Variants in UPF2 observed in about 807,000 individuals in gnomAD.
The protein encoded by UPF2 is UPF2 regulator of nonsense mediated mRNA decay, also known as regulator of nonsense transcripts 2.
A neutral mutation model predicts 141.4 loss-of-function variants in UPF2; 17 were observed. The observed-to-expected ratio is 0.12, with a 90% CI of 0.08 to 0.18. The LOEUF (loss-of-function observed/expected upper bound fraction) is 0.18, where lower values mean the gene tolerates loss of function less well. UPF2 is among the 10% of genes least tolerant of loss of function. The pLI is 1.00. For synonymous variants in UPF2, 540 were observed against 498.0 expected, an observed-to-expected ratio of 1.08 and a Z score of -1.12; for missense variants, 1,152 against 1,515.9, an observed-to-expected ratio of 0.76 and a Z score of 3.99.
At chr10:11,967,191 T>C (rs1833335135) in intron 10 of UPF2, 150 bp downstream of exon 10, 1 of 461,072 alleles carries the variant, frequency 2.2e-6, no homozygotes, top group African/African-American at 2.0e-5. Context: ...ATTTGTTTTG[T>C]ATTTTGCACA....
At chr10:11,975,670 G>A (rs938616934) in intron 9 of UPF2, among the ~76,000 whole-genome samples, 3 of 151,512 alleles carry the variant, frequency 2.0e-5, no homozygotes, top group African/African-American at 4.8e-5. Flanking sequence ...CACCACGCCC[G>A]GCTAATTTTG....
intron 10 of UPF2, among the ~76,000 whole-genome samples, chr10:11,966,223 C>G (rs1171099559): frequency 6.6e-6 from 1 of 152,094 alleles, no homozygotes. Context: ...TCTGTATATA[C>G]TTACTTATTC....
In UPF2 at chr10:11,942,653, G is replaced by C. The variant is rs757167329; in HGVS notation, c.3378+12C>G. The C allele has an allele frequency of 6.2e-7, 1 of 1,610,056 alleles. No homozygotes were observed. Among genetic ancestry groups the C allele is most frequent in the Non-Finnish European group, 8.5e-7 (1 of 1,177,004 alleles). On this transcript the variant is annotated intron_variant, in intron 18 of 21. Coordinates refer to ENST00000357604, the MANE Select transcript of UPF2 (RefSeq NM_015542.4). ...ATTGAGAAGAGTCTTTGAAACAAAT[G>C]ACATTTAATACCTGTAGATTTTCTA...
chr10:11,943,098 G>C lies in UPF2; in HGVS notation c.3245C>G (p.Ser1082Cys). Residue 1082 changes from serine to cysteine, a missense_variant, in exon 17 of 22, where the codon TCC becomes TGC. Ser to Cys is a moderately radical substitution (Grantham distance 112). Around this residue, in one of 4 missense-constraint regions of UPF2, gnomAD observed 202 missense variants for 223.6 expected, o/e 0.90. Transcript: ENST00000357604. Reference sequence around the variant, plus strand: ...TTCATCGGTTTCATTTTCCTTATTGGAATCTGTAAGGTAATCTGTATTCTC... The same window carrying C: ...TTCATCGGTTTCATTTTCCTTATTGCAATCTGTAAGGTAATCTGTATTCTC... The part of the protein sequence containing the change: ...EEENTDYLTD[S>C]NKENETDEEN... 1 of 1,612,048 alleles carries C rather than the reference G, an allele frequency of 6.2e-7. No homozygotes were observed. Among genetic ancestry groups the C allele is most frequent in the Non-Finnish European group, 8.5e-7 (1 of 1,179,334 alleles).
chr10:12,002,855 C>A (rs1833975415), intron 5 of UPF2, among the ~76,000 whole-genome samples: 1 of 152,112 alleles, frequency 6.6e-6, no homozygotes, highest in Non-Finnish European at 1.5e-5. Flanking sequence ...AAATAAAATT[C>A]TCGTAAATAA....
intron 9 of UPF2, among the ~76,000 whole-genome samples, chr10:11,974,073 C>A (rs1034361378): frequency 6.6e-6 from 1 of 152,206 alleles, no homozygotes; most frequent in South Asian, 2.1e-4. Flanking sequence ...GTGGTTTGTA[C>A]TTCTCCTTGA....
chr10:11,997,743 A>T lies in UPF2; in HGVS notation c.1773T>A (p.Phe591Leu). 1 of 1,613,864 alleles carries T rather than the reference A, an allele frequency of 6.2e-7. No individual in the cohort carries two copies. The highest frequency in any genetic ancestry group is 8.5e-7 in the Non-Finnish European group (1 of 1,179,868). ...RDLIDKAAMD[F>L]CMNMNTKANR... is the part of the protein sequence containing the mutation. ...TTGCTTTTGTGTTCATGTTCATGCAAAAATCCATTGCTGCCTATTGGGAAA... is the reference window on the plus strand; with the variant it reads ...TTGCTTTTGTGTTCATGTTCATGCATAAATCCATTGCTGCCTATTGGGAAA... Residue 591 changes from phenylalanine to leucine, a missense_variant, in exon 8 of 22, where the codon TTT (phenylalanine) becomes TTA (leucine). Coordinates refer to ENST00000357604, the MANE Select transcript of UPF2 (RefSeq NM_015542.4).
chr10:11,967,999 C>T (rs1340227958), intron 9 of UPF2, among the ~76,000 whole-genome samples: 3 of 152,000 alleles, frequency 2.0e-5, no homozygotes, highest in Non-Finnish European at 2.9e-5. Context: ...GCCAAGATGG[C>T]GAAACCCTGT....
At chr10:11,994,142 G>C (rs1204128364) in intron 8 of UPF2, among the ~76,000 whole-genome samples, 1 of 152,128 alleles carries the variant, frequency 6.6e-6, no homozygotes, top group Non-Finnish European at 1.5e-5. Flanking sequence ...AATCATTAAA[G>C]AGAATAAATA....
At chr10:12,028,308 T>G (rs554178962) in intron 3 of UPF2, among the ~76,000 whole-genome samples, 17 of 152,282 alleles carry the variant, frequency 1.1e-4, no homozygotes, top group Non-Finnish European at 2.1e-4. Context: ...CACTGGTAAT[T>G]AATGACTCAT....
At chr10:11,989,077 A>T (rs559107467) in intron 8 of UPF2, among the ~76,000 whole-genome samples, 1 of 152,258 alleles carries the variant, frequency 6.6e-6, no homozygotes, top group African/African-American at 2.4e-5. Context: ...GGCTTTTTTG[A>T]TCAATAAAAA....
intron 5 of UPF2, among the ~76,000 whole-genome samples, chr10:12,004,248 A>G (rs73573548): frequency 0.071 from 10,748 of 152,224 alleles, 398 homozygotes; most frequent in Non-Finnish European, 0.08. Flanking sequence ...GGAAATGTGC[A>G]TCTTACCAAG....
rs191527467 is a variant in UPF2, at chr10:12,042,105, C to T, written c.-19+650G>A. On this transcript the variant is annotated intron_variant, in intron 1 of 21. Transcript: ENST00000357604. The surrounding 1 kb of genome is among the most constrained non-coding windows in gnomAD (Gnocchi z 5.5). ...AAGGAAGTCAACCAAACAGCCCATG[C>T]CCACCATCCCCAGATACACCCCAAG... Among the ~76,000 whole-genome samples the T allele has an allele frequency of 6.6e-6, 1 of 152,104 alleles. No individual in the cohort carries two copies. The highest frequency in any genetic ancestry group is 1.5e-5 in the Non-Finnish European group (1 of 68,020).
chr10:12,042,286 A>G lies in UPF2; in HGVS notation c.-19+469T>C, dbSNP rs1388370638. Among the ~76,000 whole-genome samples the G allele has an allele frequency of 6.8e-6, 1 of 147,278 alleles. No homozygotes were observed. Among genetic ancestry groups the G allele is most frequent in the East Asian group, 2.0e-4 (1 of 4,980 alleles). On this transcript the variant is annotated intron_variant, in intron 1 of 21. Coordinates refer to ENST00000357604, the MANE Select transcript of UPF2 (RefSeq NM_015542.4). The surrounding 1 kb of genome is among the most constrained non-coding windows in gnomAD (Gnocchi z 5.5). ...TGCCCCAACCCCAACTTCTCGCCCC[A>G]CACTCCCTCGCCACAGAAGCCTTCC...
Position 11,940,258 on chromosome 10 carries a change from A to G in UPF2, c.3378+2407T>C, listed in dbSNP as rs1832920512. The stretch of plus-strand genomic sequence containing the variant: ...GCTTCTTCAAGAACTGTCAATAAGC[A>G]AAAATTATTGGACCATATCAAAAAC... On this transcript the variant is annotated intron_variant, in intron 18 of 21. Coordinates refer to ENST00000357604, the MANE Select transcript of UPF2 (RefSeq NM_015542.4). The surrounding 1 kb of genome is among the most constrained non-coding windows in gnomAD (Gnocchi z 4.2). Among the ~76,000 whole-genome samples, 1 of 152,226 alleles carries G rather than the reference A, an allele frequency of 6.6e-6. No homozygotes were observed. The highest frequency in any genetic ancestry group is 6.5e-5 in the Admixed American group (1 of 15,286).
At chr10:11,944,057 T>C (rs1210074049) in intron 16 of UPF2, among the ~76,000 whole-genome samples, 2 of 151,650 alleles carry the variant, frequency 1.3e-5, no homozygotes, top group African/African-American at 4.8e-5. Context: ...TGCCTCTCAC[T>C]GTGCCATGAT....
intron 15 of UPF2, among the ~76,000 whole-genome samples, chr10:11,950,328 C>T (rs1320153884): frequency 6.6e-6 from 1 of 152,086 alleles, no homozygotes; most frequent in Non-Finnish European, 1.5e-5. Flanking sequence ...ACCAAAGGCA[C>T]AATACTGTAT....
At chr10:12,038,402 A>G (rs1166703547) in intron 1 of UPF2, among the ~76,000 whole-genome samples, 1 of 151,110 alleles carries the variant, frequency 6.6e-6, no homozygotes, top group African/African-American at 2.4e-5. Flanking sequence ...ACACACACAC[A>G]CACACACACA....
intron 18 of UPF2, among the ~76,000 whole-genome samples, chr10:11,938,861 T>TTTTTTG (rs1832893514): frequency 9.6e-5 from 7 of 73,000 alleles, no homozygotes; most frequent in African/African-American, 2.8e-4. Flanking sequence ...TTGTTTTTTT[T>TTTTTTG]TTTTTTTTTT....
Sources: gnomAD v4.1 joint callset for allele counts (sites outside exome capture counted in the v4.1 genomes callset) on GRCh38, gnomAD v4.1.1 for gene constraint, gnomAD v4.1.1 regional missense constraint, Gnocchi (gnomAD v3.1) non-coding constraint, MANE v1.5 for transcripts, NCBI Gene and HGNC (gene_info 2026-07-23, HGNC 2026-07-21) for gene names.